Variants in SGCD observed in about 807,000 individuals in gnomAD.
The protein encoded by SGCD is delta-sarcoglycan.
A neutral mutation model predicts 36.6 loss-of-function variants in SGCD; 18 were observed. That is an observed-to-expected ratio of 0.49 (90% CI 0.34 to 0.73). The LOEUF is 0.73. Among genes scored for constraint, SGCD ranks in the 30% least tolerant of loss-of-function variants. The pLI is 0.01. For missense variants in SGCD, 387 were observed against 346.7 expected, an observed-to-expected ratio of 1.12 and a Z score of -0.92; for synonymous variants, 133 against 130.6, an observed-to-expected ratio of 1.02 and a Z score of -0.12.
At chr5:156,198,589 C>T (rs1268319287) in intron 3 of SGCD, among the ~76,000 whole-genome samples, 1 of 152,134 alleles carries the variant, frequency 6.6e-6, no homozygotes, top group Non-Finnish European at 1.5e-5. Context: ...GCCCTTTACT[C>T]TAGCACTCTT....
At chr5:155,744,597 GAC>G in the SGCD span, among the ~76,000 whole-genome samples, 11 of 152,288 alleles carry the variant, frequency 7.2e-5, no homozygotes, top group Non-Finnish European at 1.2e-4. Context: ...CTTTTTGAAA[GAC>G]AGTATTGGTA....
chr5:156,430,623 C>T lies in SGCD; in HGVS notation c.193-77978C>T, dbSNP rs74742359. Among the ~76,000 whole-genome samples the T allele has an allele frequency of 9.4e-3, 1,425 of 152,192 alleles. 22 individuals carry two copies. The highest frequency in any genetic ancestry group is 0.033 in the African/African-American group (1,365 of 41,548). On this transcript the variant is annotated intron_variant, in intron 3 of 8. Transcript: ENST00000337851. ...TTTTCATTTGATTAGACCATTTCCTCAAATTGTTCTTGAATTTATTTTTGT... is the reference window on the plus strand; with the variant it reads ...TTTTCATTTGATTAGACCATTTCCTTAAATTGTTCTTGAATTTATTTTTGT...
intron 7 of SGCD, among the ~76,000 whole-genome samples, chr5:156,683,417 T>C (rs1435524350): frequency 1.3e-5 from 2 of 152,210 alleles, no homozygotes; most frequent in Non-Finnish European, 2.9e-5. Flanking sequence ...GCATGGAAGC[T>C]AGTAAATATT....
At chr5:156,086,342 G>A (rs553883533) in intron 1 of SGCD, among the ~76,000 whole-genome samples, 73 of 152,226 alleles carry the variant, frequency 4.8e-4, no homozygotes, top group Middle Eastern at 6.8e-3. Flanking sequence ...CACCACTTGC[G>A]AAGACAAATA....
At chr5:156,677,562 T>G (rs1753563084) in intron 7 of SGCD, among the ~76,000 whole-genome samples, 1 of 151,968 alleles carries the variant, frequency 6.6e-6, no homozygotes, top group Non-Finnish European at 1.5e-5. Flanking sequence ...GGGGGAGGGA[T>G]AGCATTAGGA....
intron 3 of SGCD, among the ~76,000 whole-genome samples, chr5:156,269,469 CAAAAAAAAAAAAAAAAAAAAAAAAAAAA>C (rs60893052): frequency 6.6e-5 from 2 of 30,466 alleles, no homozygotes; most frequent in Non-Finnish European, 1.2e-4. Context: ...GACTCCGTCT[CAAAAAAAAAAAAAAAAAAAAAAAAAAAA>C]AAAAAAAAAA....
At chr5:156,393,637 G>C (rs1241596445) in intron 3 of SGCD, 9 of 431,680 alleles carry the variant, frequency 2.1e-5, no homozygotes, top group Non-Finnish European at 4.2e-5. Flanking sequence ...GCCATAGTGA[G>C]AGTATTTACA....
At chr5:156,099,960 T>C (rs891521564) in intron 1 of SGCD, among the ~76,000 whole-genome samples, 6 of 152,172 alleles carry the variant, frequency 3.9e-5, no homozygotes, top group Non-Finnish European at 7.3e-5. Context: ...TACAGGAATA[T>C]TGCTTTTGTC....
rs1368669221 is a variant in SGCD, at chr5:156,759,410, A to G, written c.*20A>G. On this transcript the variant is annotated 3_prime_UTR_variant, in exon 9 of 9. Transcript: ENST00000337851. The stretch of plus-strand genomic sequence containing the variant: ...CTCTGAAAGACTATCCATAGTGGAC[A>G]TTGTTGGCAGCATAAAGGCCTTTTT... 2 of 1,565,880 alleles carry G rather than the reference A, an allele frequency of 1.3e-6. No individual in the cohort carries two copies. Among genetic ancestry groups the G allele is most frequent in the South Asian group, 1.2e-5 (1 of 85,204 alleles).
chr5:156,504,392 G>GTGTGTGTATATATATA (rs1413599402), intron 3 of SGCD, among the ~76,000 whole-genome samples: 1 of 75,072 alleles, frequency 1.3e-5, no homozygotes, highest in African/African-American at 3.9e-5. Context: ...GTGTGTGTGT[G>GTGTGTGTATATATATA]TATATATATA....
chr5:155,964,398 G>T (rs770133056), intron 1 of SGCD, among the ~76,000 whole-genome samples: 2 of 151,926 alleles, frequency 1.3e-5, no homozygotes, highest in Non-Finnish European at 2.9e-5. Context: ...GGAGTGCAGT[G>T]CATGATCTCA....
At position 156,198,812 on chromosome 5, in the gene SGCD, T is replaced by C. The variant is rs147213300; in HGVS notation, c.-44+74793T>C. ...CTTGAGACACATTTAGTATAATAGATGTGTTTAGAGTCAGGACTTTCCAGC... is the reference window on the plus strand; with the variant it reads ...CTTGAGACACATTTAGTATAATAGACGTGTTTAGAGTCAGGACTTTCCAGC... On this transcript the variant is annotated intron_variant, in intron 3 of 9. Coordinates refer to the SGCD transcript ENST00000517913. Among the ~76,000 whole-genome samples the C allele has an allele frequency of 9.7e-3, 1,469 of 152,198 alleles. 5 individuals carry two copies. Among genetic ancestry groups the C allele is most frequent in the South Asian group, 0.013 (63 of 4,824 alleles).
chr5:156,610,110 G>A (rs1581251092), intron 6 of SGCD, among the ~76,000 whole-genome samples: 2 of 151,884 alleles, frequency 1.3e-5, no homozygotes, highest in East Asian at 3.9e-4. Context: ...CTTTGGAGGA[G>A]GAGAGGTGCT....
the SGCD span, among the ~76,000 whole-genome samples, chr5:155,858,387 T>C: frequency 1.3e-5 from 2 of 152,228 alleles, no homozygotes; most frequent in African/African-American, 4.8e-5. Context: ...ATTAAGCATC[T>C]GAAGTTATGT....
At chr5:156,715,409 C>T (rs1755173319) in intron 7 of SGCD, among the ~76,000 whole-genome samples, 1 of 152,186 alleles carries the variant, frequency 6.6e-6, no homozygotes, top group Admixed American at 6.5e-5. Context: ...GGACTTGTTA[C>T]ACTTGCACAA....
intron 3 of SGCD, among the ~76,000 whole-genome samples, chr5:156,127,657 G>C (rs981208813): frequency 6.6e-6 from 1 of 151,564 alleles, no homozygotes; most frequent in African/African-American, 2.4e-5. Flanking sequence ...AGAGAGTTCT[G>C]AAATAGGAAC....
chr5:156,163,368 C>T (rs960255854), intron 3 of SGCD, among the ~76,000 whole-genome samples: 1 of 151,496 alleles, frequency 6.6e-6, no homozygotes, highest in African/African-American at 2.4e-5. Context: ...CCATCAGAGC[C>T]ATGGAGGAAT....
intron 3 of SGCD, among the ~76,000 whole-genome samples, chr5:156,216,157 A>G (rs1267116943): frequency 6.6e-6 from 1 of 152,128 alleles, no homozygotes; most frequent in African/African-American, 2.4e-5. Context: ...AATTGTGGTT[A>G]TTAAGAGGCT....
intron 7 of SGCD, among the ~76,000 whole-genome samples, chr5:156,727,349 T>C (rs1755829369): frequency 6.6e-6 from 1 of 152,094 alleles, no homozygotes; most frequent in African/African-American, 2.4e-5. Context: ...AAAGCTGGAT[T>C]TTACAAGGAG....
Sources: gnomAD v4.1 joint callset for allele counts (sites outside exome capture counted in the v4.1 genomes callset) on GRCh38, gnomAD v4.1.1 for gene constraint, MANE v1.5 for transcripts, NCBI Gene and HGNC (gene_info 2026-07-23, HGNC 2026-07-21) for gene names.